The following MUC3A variants were observed in gnomAD, a reference collection of about 807,000 sequenced individuals.
MUC3A encodes mucin-3A.
MUC3A carries 109 observed loss-of-function variants against 109.0 expected under a neutral mutation model. The ratio of observed to expected loss-of-function variants is 1.00; its 90% CI spans 0.86 to 1.17. The LOEUF is 1.17. Ranked by LOEUF, MUC3A falls within the 50% of genes most tolerant of loss-of-function variation. The pLI is 0.00. For synonymous variants in MUC3A, 1,398 were observed against 981.4 expected, an observed-to-expected ratio of 1.42 and a Z score of -7.93; for missense variants, 3,537 against 2,469.4, an observed-to-expected ratio of 1.43 and a Z score of -9.16.
intron 3 of MUC3A, among the ~76,000 whole-genome samples, chr7:100,961,585 TG>T (rs774781290): frequency 2.0e-4 from 31 of 152,426 alleles, no homozygotes; most frequent in Admixed American, 3.3e-4. Flanking sequence ...CCCAGCAGTT[TG>T]GGAGGCTGAG....
intron 3 of MUC3A, among the ~76,000 whole-genome samples, chr7:100,962,841 C>T (rs1421296572): frequency 5.3e-4 from 74 of 138,694 alleles, no homozygotes; most frequent in South Asian, 9.4e-4. Context: ...TTCTTTTTCT[C>T]TCTCTCTCTC....
Position 100,963,203 on chromosome 7 carries a change from G to A in MUC3A, c.9105G>A (p.Ser3035=), listed in dbSNP as rs910327242. 31 of 1,598,292 alleles carry A rather than the reference G, an allele frequency of 1.9e-5. No individual in the cohort carries two copies. The highest frequency in any genetic ancestry group is 6.7e-5 in the East Asian group (3 of 44,880). ...GMEVSVDQQF[S]PDLNDNTSQA... is the part of the protein sequence containing the mutation. ...AAGTGTCTGTGGATCAGCAGTTCTC[G>A]CCGGACCTCAATGACAACACTTCCC... is the stretch of plus-strand genomic sequence containing the variant. Residue 3035 remains serine (S), a synonymous_variant, in exon 4 of 12, where the codon TCG becomes TCA. Coordinates refer to ENST00000379458, the MANE Select transcript of MUC3A (RefSeq NM_005960.2).
Position 100,953,764 on chromosome 7 carries a change from C to A in MUC3A, c.1985C>A (p.Ser662Ter). Residue 662 changes from serine (S) to a stop codon, truncating the protein, a stop_gained, in exon 2 of 12, where the codon TCA becomes TAA. Coordinates refer to ENST00000379458, the MANE Select transcript of MUC3A (RefSeq NM_005960.2). LOFTEE classifies it high-confidence loss of function. Reference protein sequence around the residue: ...SPPTTTNSFTSLTSMPLSSTP... With the variant: ...SPPTTTNSFT Reference sequence around the variant, plus strand: ...CCCACAACCACCAATTCTTTTACATCACTGACCAGTATGCCTCTGTCTTCT... The same window carrying A: ...CCCACAACCACCAATTCTTTTACATAACTGACCAGTATGCCTCTGTCTTCT... 2.3e-6 allele frequency: 1 copy of A among 438,042 alleles called. No individual in the cohort carries two copies. The highest frequency in any genetic ancestry group is 4.0e-6 in the Non-Finnish European group (1 of 250,034). The allele number at this position is 438,042 out of a possible 1,614,324, so 27.1% of individuals were successfully genotyped here.
chr7:100,957,809 T>C lies in MUC3A; in HGVS notation c.6030T>C (p.Thr2010=), dbSNP rs2116182240. ...TTTSHSTPSF[T]SSITTTETTS... is the part of the protein sequence containing the mutation. Reference sequence around the variant, plus strand: ...CCTCACACAGTACTCCCAGCTTCACTTCTTCCATCACCACCACTGAGACCA... The same window carrying C: ...CCTCACACAGTACTCCCAGCTTCACCTCTTCCATCACCACCACTGAGACCA... The change falls in exon 2 of 12, where the codon ACT becomes ACC. Residue 2010 remains threonine (T), a synonymous_variant. Transcript: ENST00000379458. 2.0e-6 allele frequency: 2 copies of C among 993,558 alleles called. No individual in the cohort carries two copies. The highest frequency in any genetic ancestry group is 1.7e-5 in the Admixed American group (1 of 58,784). 61.5% of individuals were successfully genotyped at this position (993,558 alleles called of 1,614,324 possible).
Position 100,956,953 on chromosome 7 carries a change from G to T in MUC3A, c.5174G>T (p.Gly1725Val). ...PSSTVATTGT[G>V]QTTFTSSTAT... ...TCCACTGTAGCAACTACAGGCACAG[G>T]TCAGACTACATTCACCAGTTCAACA... The change falls in exon 2 of 12, where the codon GGT becomes GTT. Residue 1725 changes from glycine to valine, a missense_variant. By Grantham distance (109) the Gly-to-Val change is moderately radical (BLOSUM62 -3). Coordinates refer to ENST00000379458, the MANE Select transcript of MUC3A (RefSeq NM_005960.2). The T allele has an allele frequency of 2.4e-6, 1 of 420,284 alleles. No homozygotes were observed. The highest frequency in any genetic ancestry group is 4.2e-6 in the Non-Finnish European group (1 of 239,786). 26.0% of individuals were successfully genotyped at this position (420,284 alleles called of 1,614,324 possible).
At chr7:100,966,247 C>CGGTGGATT in intron 8 of MUC3A, 139 bp from the exon 9 acceptor site, 1 of 1,048,998 alleles carries the variant, frequency 9.5e-7, no homozygotes, top group Non-Finnish European at 1.2e-6. Flanking sequence ...GGGTGGATTC[C>CGGTGGATT]CAGCCCCTTG....
In MUC3A at chr7:100,957,426, G is replaced by GT; in HGVS notation, c.5648dup (p.Thr1884AsnfsTer23). 5 of 787,140 alleles carry GT rather than the reference G, an allele frequency of 6.4e-6. No homozygotes were observed. Among genetic ancestry groups the GT allele is most frequent in the Non-Finnish European group, 8.5e-6 (5 of 585,118 alleles). The allele number at this position is 787,140 out of a possible 1,614,324, so 48.8% of individuals were successfully genotyped here. A position where few individuals can be genotyped will look rare whatever the true frequency, so the allele number is the denominator to read the frequency against. On this transcript the variant is annotated frameshift_variant, in exon 2 of 12. Coordinates refer to ENST00000379458, the MANE Select transcript of MUC3A (RefSeq NM_005960.2). LOFTEE classifies it high-confidence loss of function. ...CACCTCTTCCTCTCTCCTCACCACA[G>GT]TAACAGCCACAGTTCCAACAACAAA...
Position 100,965,423 on chromosome 7 carries a change from C to T in MUC3A, c.9448+76C>T, listed in dbSNP as rs587668234. 4.5e-6 allele frequency: 7 copies of T among 1,554,390 alleles called. No homozygotes were observed. In the East Asian group the frequency reaches 1.4e-4, roughly 31 times the overall value. Reference sequence around the variant, plus strand: ...TACCAGGGACATTTGCCCATTGAAGCCTGTGGGCAGGGAGAGACCTTTGGG... The same window carrying T: ...TACCAGGGACATTTGCCCATTGAAGTCTGTGGGCAGGGAGAGACCTTTGGG... On this transcript the variant is annotated intron_variant, in intron 7 of 11. Transcript: ENST00000379458.
Position 100,958,987 on chromosome 7 carries a change from C to G in MUC3A, c.7208C>G (p.Ser2403Ter). 6.3e-7 allele frequency: 1 copy of G among 1,582,522 alleles called. No homozygotes were observed. Among genetic ancestry groups the G allele is most frequent in the East Asian group, 2.3e-5 (1 of 44,026 alleles). ...TSWVTTTKTTSHITPGLTSSI... is the reference protein window; with the variant it reads ...TSWVTTTKTT ...TGGGTCACCACCACCAAGACCACCT[C>G]ACACATTACTCCTGGCCTCACTTCT... The change falls in exon 2 of 12, where the codon TCA (serine) becomes TGA (stop). Residue 2403 changes from serine to a stop codon, truncating the protein, a stop_gained. Coordinates refer to ENST00000379458, the MANE Select transcript of MUC3A (RefSeq NM_005960.2). LOFTEE classifies it high-confidence loss of function.
At position 100,967,192 on chromosome 7, in the gene MUC3A, C is replaced by T. The variant is rs1407525368; in HGVS notation, c.*30C>T. ...TGCGGGGCCCCTTCACCACCCCCTC[C>T]GCCCTGCCCCGGACACAAGGGTCTG... On this transcript the variant is annotated 3_prime_UTR_variant, in exon 12 of 12. Transcript: ENST00000379458. The T allele has an allele frequency of 5.0e-6, 8 of 1,598,408 alleles. No homozygotes were observed. The highest frequency in any genetic ancestry group is 2.2e-5 in the East Asian group (1 of 44,890).
chr7:100,961,283 G>T (rs1178533276), intron 3 of MUC3A, among the ~76,000 whole-genome samples: 1 of 151,376 alleles, frequency 6.6e-6, no homozygotes, highest in African/African-American at 2.4e-5. Flanking sequence ...TCTGATGTGG[G>T]TGTCACTGGG....
chr7:100,964,346 G>A (rs987472007), intron 5 of MUC3A: 41 of 288,412 alleles, frequency 1.4e-4, no homozygotes, highest in African/African-American at 6.9e-4. Context: ...TGTAGTCCCT[G>A]ATACTTGGGA....
intron 7 of MUC3A, 139 bp downstream of exon 7, chr7:100,965,486 C>G (rs1200249496): frequency 2.7e-6 from 4 of 1,464,564 alleles, no homozygotes; most frequent in Non-Finnish European, 3.7e-6. Flanking sequence ...CCCTTCCTGG[C>G]GCTGGTTAGT....
At position 100,960,522 on chromosome 7, in the gene MUC3A, C is replaced by T. The variant is rs544197574; in HGVS notation, c.8743C>T (p.Pro2915Ser). ...AAGCAAGTCAACACACCCCTCCCCA[C>T]CCACCACTAGGACTTCAGAGACACC... ...TSSKSTHPSP[P>S]TTRTSETPVA... is the part of the protein sequence containing the mutation. Residue 2915 changes from proline to serine, a missense_variant, in exon 2 of 12, where the codon CCC becomes TCC. Pro to Ser is a moderately conservative substitution (Grantham distance 74). Coordinates refer to ENST00000379458, the MANE Select transcript of MUC3A (RefSeq NM_005960.2). The T allele has an allele frequency of 2.1e-4, 342 of 1,597,430 alleles. No individual in the cohort carries two copies. Among genetic ancestry groups the T allele is most frequent in the Non-Finnish European group, 2.6e-4 (309 of 1,178,750 alleles).
At chr7:100,962,256 A>C (rs1352825993) in intron 3 of MUC3A, among the ~76,000 whole-genome samples, 2 of 151,016 alleles carry the variant, frequency 1.3e-5, no homozygotes, top group African/African-American at 4.9e-5. Context: ...AAAAAAAAAA[A>C]AAAAAAAAAA....
Position 100,965,823 on chromosome 7 carries a change from C to T in MUC3A, c.9568C>T (p.His3190Tyr). The T allele has an allele frequency of 6.3e-7, 1 of 1,597,378 alleles. No individual in the cohort carries two copies. Among genetic ancestry groups the T allele is most frequent in the Non-Finnish European group, 8.5e-7 (1 of 1,179,002 alleles). ...GGGGGTGGACAACGCCATCGACTGTCACCAGGGCCAGTGCGTTCTGGAGAC... is the reference window on the plus strand; with the variant it reads ...GGGGGTGGACAACGCCATCGACTGTTACCAGGGCCAGTGCGTTCTGGAGAC... ...TSGVDNAIDC[H>Y]QGQCVLETSG... The change falls in exon 8 of 12, where the codon CAC becomes TAC. Residue 3190 changes from histidine to tyrosine, a missense_variant. By Grantham distance (83) the His-to-Tyr change is moderately conservative. Transcript: ENST00000379458.
chr7:100,966,307 C>T (rs1481197682), intron 8 of MUC3A, 79 bp from the exon 9 acceptor site: 2 of 1,255,300 alleles, frequency 1.6e-6, no homozygotes, highest in Admixed American at 4.1e-5. Context: ...GCCCCCTCAC[C>T]CGCCCCCGCG....
In MUC3A at chr7:100,949,584, C is replaced by A. The variant is rs750141978; in HGVS notation, c.-41C>A. 2 of 1,519,922 alleles carry A rather than the reference C, an allele frequency of 1.3e-6. No homozygotes were observed. The highest frequency in any genetic ancestry group is 1.8e-6 in the Non-Finnish European group (2 of 1,140,808). The allele number at this position is 1,519,922 out of a possible 1,614,324, so 94.2% of individuals were successfully genotyped here. A position where few individuals can be genotyped will look rare whatever the true frequency, so the allele number is the denominator to read the frequency against. On this transcript the variant is annotated 5_prime_UTR_variant, in exon 1 of 12. Transcript: ENST00000379458. ...GCCACGTCCCTGCCGCTGTCTTGGT[C>A]CTGAAGCCTGTTCTGCCCCAGCCCC... is the stretch of plus-strand genomic sequence containing the variant.
Position 100,960,931 on chromosome 7 carries a change from G to A in MUC3A, c.9046G>A (p.Asp3016Asn). 2 of 1,598,538 alleles carry A rather than the reference G, an allele frequency of 1.3e-6. No individual in the cohort carries two copies. The highest frequency in any genetic ancestry group is 1.1e-5 in the South Asian group (1 of 91,092). ...TTGTGAGTTTGCTGTGGAACAGGTG[G>A]ATCTAGGTGAGTTGCCAGAGCTATG... ...SSCEFAVEQV[D>N]LDVVETEVGM... Residue 3016 changes from aspartate to asparagine, a missense_variant, in exon 3 of 12, where the codon GAT (aspartate) becomes AAT (asparagine). Asp to Asn is a conservative substitution (Grantham distance 23). Coordinates refer to ENST00000379458, the MANE Select transcript of MUC3A (RefSeq NM_005960.2).
Sources: allele counts gnomAD v4.1 joint callset (sites outside exome capture counted in the v4.1 genomes callset), GRCh38; gene constraint gnomAD v4.1.1; transcripts MANE v1.5; gene names NCBI Gene and HGNC (gene_info 2026-07-23, HGNC 2026-07-21).